DOCK11: variants seen among roughly 807,000 people sequenced by gnomAD.
DOCK11 encodes the protein dedicator of cytokinesis 11.
DOCK11 carries 70 observed loss-of-function variants against 169.1 expected under a neutral mutation model. The ratio of observed to expected loss-of-function variants is 0.41; its 90% CI spans 0.34 to 0.51. DOCK11 has a LOEUF of 0.51. DOCK11 is among the 20% of genes least tolerant of loss of function. The pLI is 0.10. For missense variants in DOCK11, 1,166 were observed against 1,538.8 expected (o/e 0.76, Z 4.05); for synonymous variants, 529 against 541.3 (o/e 0.98, Z 0.32).
intron 14 of DOCK11, among the ~76,000 whole-genome samples, chrX:118,582,654 A>G (rs1324315943): frequency 3.6e-5 from 4 of 111,891 alleles, no homozygotes; most frequent in African/African-American, 1.3e-4. Flanking sequence ...GAAGACATTT[A>G]TGTGGCCAAC....
At chrX:118,648,891 A>C (rs1311755830) in intron 40 of DOCK11, 54 bp from the exon 41 acceptor site, 1 of 1,070,478 alleles carries the variant, frequency 9.3e-7, no homozygotes, top group African/African-American at 1.9e-5. Context: ...TTGATATTCT[A>C]TTGATTTTAT....
chrX:118,602,898 G>C (rs1414804631), intron 23 of DOCK11, among the ~76,000 whole-genome samples: 1 of 112,034 alleles, frequency 8.9e-6, no homozygotes, highest in Non-Finnish European at 1.9e-5. Context: ...TGACCATGTA[G>C]TATGGGCCAG....
At chrX:118,652,202 G>A in intron 42 of DOCK11, 125 bp downstream of exon 42, 1 of 443,017 alleles carries the variant, frequency 2.3e-6, no homozygotes, top group Admixed American at 4.2e-5. Flanking sequence ...AGTTTTATGA[G>A]TTAAGGGCTT....
intron 35 of DOCK11, among the ~76,000 whole-genome samples, chrX:118,635,202 A>G (rs80249841): frequency 0.098 from 10,911 of 111,438 alleles, 479 homozygotes; most frequent in South Asian, 0.15. Flanking sequence ...TAAAGCCAAC[A>G]TTGTCTTGTC....
chrX:118,681,092 T>C lies in DOCK11; in HGVS notation c.5706T>C (p.Ile1902=). The C allele has an allele frequency of 2.5e-6, 3 of 1,186,405 alleles. No individual in the cohort carries two copies. The highest frequency in any genetic ancestry group is 3.4e-6 in the Non-Finnish European group (3 of 884,585). ...SNSFPYVKKR[I]PINCEQQINL... ...CGTTTCCTTACGTGAAGAAGAGGAT[T>C]CCTATTAACTGTGAACAGCAGATTA... The change falls in exon 50 of 53, where the codon ATT becomes ATC. Residue 1902 remains isoleucine (I), a synonymous_variant. Coordinates refer to ENST00000276202, the MANE Select transcript of DOCK11 (RefSeq NM_144658.4).
At chrX:118,602,026 G>A (rs2014357268) in intron 23 of DOCK11, among the ~76,000 whole-genome samples, 1 of 106,474 alleles carries the variant, frequency 9.4e-6, no homozygotes, top group African/African-American at 3.4e-5. Flanking sequence ...CTCACCTCAG[G>A]TGATCCGCCC....
chrX:118,515,652 T>G (rs905689820), intron 1 of DOCK11, among the ~76,000 whole-genome samples: 9 of 110,648 alleles, frequency 8.1e-5, no homozygotes, highest in Non-Finnish European at 1.7e-4. Context: ...GTTCTTAGGT[T>G]TTAGAGAGGA....
chrX:118,664,515 C>T (rs922775421), intron 45 of DOCK11, among the ~76,000 whole-genome samples: 3 of 110,273 alleles, frequency 2.7e-5, no homozygotes, highest in Non-Finnish European at 3.8e-5. Context: ...CGTGGTGGCA[C>T]CTGCCTATAA....
At chrX:118,574,947 G>A (rs1037467174) in intron 12 of DOCK11, among the ~76,000 whole-genome samples, 6 of 111,794 alleles carry the variant, frequency 5.4e-5, no homozygotes, top group African/African-American at 1.6e-4. Context: ...TCATTTGCTC[G>A]CTAGACTTTT....
intron 28 of DOCK11, 86 bp downstream of exon 28, chrX:118,610,504 C>G: frequency 9.6e-7 from 1 of 1,037,844 alleles, no homozygotes; most frequent in Non-Finnish European, 1.3e-6. Context: ...TTTCTAGAGG[C>G]TCAGCTAGGT....
At chrX:118,566,254 A>G in intron 8 of DOCK11, 72 bp downstream of exon 8, 1 of 952,313 alleles carries the variant, frequency 1.1e-6, no homozygotes, top group Non-Finnish European at 1.5e-6. Flanking sequence ...TCCTCTGTGC[A>G]GGGTGAGTAG....
At chrX:118,647,710 TATA>T (rs2015745566) in intron 40 of DOCK11, among the ~76,000 whole-genome samples, 1 of 52,371 alleles carries the variant, frequency 1.9e-5, no homozygotes, top group South Asian at 9.8e-4. Context: ...TATATAATAA[TATA>T]ATATATAATA....
At chrX:118,650,369 A>G (rs1214449911) in intron 41 of DOCK11, among the ~76,000 whole-genome samples, 1 of 111,985 alleles carries the variant, frequency 8.9e-6, no homozygotes, top group African/African-American at 3.2e-5. Flanking sequence ...CTAAACCACA[A>G]TTGGGACTGC....
chrX:118,611,758 AT>A (rs988015928), intron 28 of DOCK11, among the ~76,000 whole-genome samples: 2 of 109,483 alleles, frequency 1.8e-5, no homozygotes, highest in Non-Finnish European at 3.8e-5. Context: ...GCTTTCTTTC[AT>A]TTTTTTTTAA....
chrX:118,642,659 C>A (rs1326233392), intron 39 of DOCK11, among the ~76,000 whole-genome samples: 2 of 111,136 alleles, frequency 1.8e-5, no homozygotes, highest in African/African-American at 6.6e-5. Flanking sequence ...ATGATTCTAG[C>A]CACTATACCA....
At chrX:118,543,794 C>CA (rs1404861702) in intron 4 of DOCK11, among the ~76,000 whole-genome samples, 1 of 111,486 alleles carries the variant, frequency 9.0e-6, no homozygotes, top group African/African-American at 3.3e-5. Context: ...ACTAAAAATA[C>CA]AAAAAATTAG....
Position 118,648,526 on chromosome X carries a change from A to G in DOCK11, c.4399-419A>G, listed in dbSNP as rs763797517. On this transcript the variant is annotated intron_variant, in intron 40 of 52. Coordinates refer to ENST00000276202, the MANE Select transcript of DOCK11 (RefSeq NM_144658.4). ...GTTAATATATTAATATGTAATATAT[A>G]TATATTTATATATTTATATATAACA... 7.6e-3 allele frequency among the ~76,000 whole-genome samples: 711 copies of G among 93,872 alleles called. 5 individuals are homozygous for G. Among genetic ancestry groups the G allele is most frequent in the Middle Eastern group, 0.02 (4 of 197 alleles). The allele number at this position is 93,872 out of a possible 115,157, so 81.5% of individuals were successfully genotyped here.
chrX:118,631,861 G>A (rs2015250801), intron 35 of DOCK11, among the ~76,000 whole-genome samples: 1 of 111,081 alleles, frequency 9.0e-6, no homozygotes, highest in Non-Finnish European at 1.9e-5. Context: ...CTCCACTGTA[G>A]GTCTCACACA....
At chrX:118,660,678 G>C (rs2016192840) in intron 44 of DOCK11, among the ~76,000 whole-genome samples, 1 of 109,039 alleles carries the variant, frequency 9.2e-6, no homozygotes, top group African/African-American at 3.3e-5. Flanking sequence ...CACCCTGTTA[G>C]CCAGGATGGT....
Sources: allele counts gnomAD v4.1 joint callset (sites outside exome capture counted in the v4.1 genomes callset), GRCh38; gene constraint gnomAD v4.1.1; transcripts MANE v1.5; gene names NCBI Gene and HGNC (gene_info 2026-07-23, HGNC 2026-07-21).